The following DIAPH2 variants were observed in gnomAD, a reference collection of about 807,000 sequenced individuals.
The protein encoded by DIAPH2 is diaphanous related formin 2.
A neutral mutation model predicts 92.7 loss-of-function variants in DIAPH2; 35 were observed. The observed-to-expected ratio is 0.38, with a 90% CI of 0.29 to 0.50. DIAPH2 has a LOEUF of 0.50. Ranked by LOEUF, DIAPH2 falls within the 20% of genes least tolerant of loss-of-function variation. DIAPH2 has a pLI of 0.94. For missense variants in DIAPH2, 701 were observed against 819.5 expected, an observed-to-expected ratio of 0.86 and a Z score of 1.77; for synonymous variants, 301 against 280.4, an observed-to-expected ratio of 1.07 and a Z score of -0.73.
rs760073834 is a variant in DIAPH2 at position 97,090,298 on chromosome X, C to CTTTTTTTTTTTT, written c.2248-9371_2248-9360dup. Among the ~76,000 whole-genome samples the CTTTTTTTTTTTT allele has an allele frequency of 1.3e-4, 5 of 38,861 alleles. 1 individual carries two copies. Among genetic ancestry groups the CTTTTTTTTTTTT allele is most frequent in the Admixed American group, 3.6e-4 (1 of 2,789 alleles). The allele number at this position is 38,861 out of a possible 115,157, so 33.7% of individuals were successfully genotyped here. A position where few individuals can be genotyped will look rare whatever the true frequency, so the allele number is the denominator to read the frequency against. ...GTGATCCTCTGATTGTCTCTGATCC[C>CTTTTTTTTTTTT]TTTTTTTTTTTTTTTTTTTTTTTTT... On this transcript the variant is annotated intron_variant, in intron 19 of 26. Transcript: ENST00000324765.
chrX:97,496,654 AT>A (rs531696953), intron 26 of DIAPH2, among the ~76,000 whole-genome samples: 1,070 of 81,528 alleles, frequency 0.013, 4 homozygotes, highest in Non-Finnish European at 0.016. Flanking sequence ...CCTGAATTAG[AT>A]TTTTTTTTTT....
chrX:96,771,966 A>T (rs2064341992), intron 4 of DIAPH2, among the ~76,000 whole-genome samples: 1 of 110,768 alleles, frequency 9.0e-6, no homozygotes, highest in African/African-American at 3.3e-5. Flanking sequence ...TGAGCCTGGA[A>T]GTCAAGGCTG....
chrX:97,051,330 T>C (rs1473280276), intron 17 of DIAPH2, among the ~76,000 whole-genome samples: 1 of 110,276 alleles, frequency 9.1e-6, no homozygotes, highest in Non-Finnish European at 1.9e-5. Flanking sequence ...AATATTTAAA[T>C]AGATCACACA....
intron 26 of DIAPH2, among the ~76,000 whole-genome samples, chrX:97,523,900 T>G (rs2147846859): frequency 8.9e-6 from 1 of 112,039 alleles, no homozygotes. Flanking sequence ...AAATAAGAAT[T>G]AACTAGATAT....
intron 26 of DIAPH2, among the ~76,000 whole-genome samples, chrX:97,516,758 G>A (rs1002530383): frequency 1.8e-5 from 2 of 112,072 alleles, no homozygotes; most frequent in African/African-American, 6.5e-5. Flanking sequence ...GTCTTGCTCT[G>A]TTGTCCAGGC....
chrX:97,456,417 T>C (rs925693908), intron 26 of DIAPH2, among the ~76,000 whole-genome samples: 4 of 110,110 alleles, frequency 3.6e-5, no homozygotes, highest in Non-Finnish European at 5.7e-5. Flanking sequence ...TCTTCAGTGA[T>C]AAACCAAACA....
intron 24 of DIAPH2, among the ~76,000 whole-genome samples, chrX:97,380,314 T>C (rs1683880341): frequency 9.0e-6 from 1 of 111,693 alleles, no homozygotes; most frequent in African/African-American, 3.3e-5. Flanking sequence ...TCCTGTACAA[T>C]GACAGAATCT....
intron 23 of DIAPH2, among the ~76,000 whole-genome samples, chrX:97,274,220 A>G (rs1382473675): frequency 9.0e-6 from 1 of 111,326 alleles, no homozygotes; most frequent in Non-Finnish European, 1.9e-5. Context: ...GTTATAAGAA[A>G]CATAACTAGC....
chrX:97,009,977 C>T (rs990016564), intron 17 of DIAPH2, among the ~76,000 whole-genome samples: 1 of 111,742 alleles, frequency 8.9e-6, no homozygotes, highest in African/African-American at 3.3e-5. Flanking sequence ...CAACCAAGTC[C>T]ACTGACTCCG....
chrX:97,185,293 T>TC (rs1555997983), intron 22 of DIAPH2, among the ~76,000 whole-genome samples: 3 of 21,783 alleles, frequency 1.4e-4, no homozygotes, highest in Admixed American at 7.6e-4. Flanking sequence ...AGACCCTGTC[T>TC]CAAAAAAAAA....
chrX:96,963,208 G>A (rs1030498009), intron 16 of DIAPH2, among the ~76,000 whole-genome samples: 2 of 111,312 alleles, frequency 1.8e-5, no homozygotes, highest in South Asian at 3.8e-4. Context: ...GCTGCACCAC[G>A]TGTTCCTGGG....
At chrX:97,429,212 G>T (rs1417605854) in intron 25 of DIAPH2, among the ~76,000 whole-genome samples, 3 of 112,251 alleles carry the variant, frequency 2.7e-5, no homozygotes, top group Non-Finnish European at 3.8e-5. Context: ...GCAGATGATG[G>T]TTGAATGCCG....
At chrX:96,968,687 G>C (rs760091329) in intron 17 of DIAPH2, among the ~76,000 whole-genome samples, 7 of 112,106 alleles carry the variant, frequency 6.2e-5, no homozygotes, top group African/African-American at 2.3e-4. Context: ...CAGGTTGTCT[G>C]TTTATCCTGT....
chrX:96,978,048 C>T (rs1014982), intron 17 of DIAPH2, among the ~76,000 whole-genome samples: 34,025 of 110,984 alleles, frequency 0.31, 4,707 homozygotes, highest in South Asian at 0.51. Context: ...GAAATTGTAA[C>T]ATTGCTGTAT....
chrX:97,097,542 TA>T (rs2066877953), intron 19 of DIAPH2, among the ~76,000 whole-genome samples: 1 of 111,990 alleles, frequency 8.9e-6, no homozygotes, highest in Non-Finnish European at 1.9e-5. Context: ...AGGAGAAAAA[TA>T]AAATAACAAA....
At chrX:96,895,143 A>C (rs2065336110) in intron 5 of DIAPH2, among the ~76,000 whole-genome samples, 1 of 109,904 alleles carries the variant, frequency 9.1e-6, no homozygotes, top group Non-Finnish European at 1.9e-5. Context: ...AGATGGGATT[A>C]CTGGCGTGCG....
rs757302136 is a variant in DIAPH2, at chrX:96,830,846, C to G, written c.448-50733C>G. Among the ~76,000 whole-genome samples, 4 of 111,181 alleles carry G rather than the reference C, an allele frequency of 3.6e-5. No individual in the cohort carries two copies. The East Asian group carries it at 1.1e-3, about 31-fold the overall frequency. On this transcript the variant is annotated intron_variant, in intron 4 of 26. Coordinates refer to ENST00000324765, the MANE Select transcript of DIAPH2 (RefSeq NM_006729.5). ...AAGAAAGCTCTTCCTTCTATTGACA[C>G]AGTTTTTTTCTTTTGTCATCTTTTT...
rs776367303 is a variant in DIAPH2, at chrX:96,738,668, C to T, written c.248C>T (p.Ala83Val). The change falls in exon 3 of 27, where the codon GCG (alanine) becomes GTG (valine). Residue 83 changes from alanine (A) to valine (V), a missense_variant. Physicochemically the swap from Ala to Val is moderately conservative, Grantham distance 64 (BLOSUM62 0). Transcript: ENST00000324765. ...LIQHPIDSQV[A>V]MSEFPAAQPL... ...CAACATCCTATTGATTCTCAAGTCGCGATGAGTGAGTTTCCTGCAGCTCAG... is the reference window on the plus strand; with the variant it reads ...CAACATCCTATTGATTCTCAAGTCGTGATGAGTGAGTTTCCTGCAGCTCAG... 3 of 1,207,243 alleles carry T rather than the reference C, an allele frequency of 2.5e-6. No homozygotes were observed. The highest frequency in any genetic ancestry group is 2.2e-6 in the Non-Finnish European group (2 of 892,505).
Position 96,904,546 on chromosome X carries a change from A to G in DIAPH2, c.588-7782A>G, listed in dbSNP as rs770894593. Reference sequence around the variant, plus strand: ...TTTATATATTTTTTAGTGGGTATATATATTGACAGTGAAACTGTTTATGAT... The same window carrying G: ...TTTATATATTTTTTAGTGGGTATATGTATTGACAGTGAAACTGTTTATGAT... On this transcript the variant is annotated intron_variant, in intron 5 of 26. Coordinates refer to ENST00000324765, the MANE Select transcript of DIAPH2 (RefSeq NM_006729.5). 2.7e-5 allele frequency among the ~76,000 whole-genome samples: 3 copies of G among 111,744 alleles called. No individual in the cohort carries two copies. The East Asian group carries it at 8.4e-4, about 31-fold the overall frequency.
Sources: allele counts gnomAD v4.1 joint callset (sites outside exome capture counted in the v4.1 genomes callset), GRCh38; gene constraint gnomAD v4.1.1; transcripts MANE v1.5; gene names NCBI Gene and HGNC (gene_info 2026-07-23, HGNC 2026-07-21).